The following SORBS2 variants were observed in gnomAD, a reference collection of about 807,000 sequenced individuals.
SORBS2 encodes sorbin and SH3 domain containing 2.
SORBS2 carries 46 observed loss-of-function variants against 97.7 expected under a neutral mutation model. That is an observed-to-expected ratio of 0.47 (90% CI 0.37 to 0.60). The LOEUF (loss-of-function observed/expected upper bound fraction) is 0.60, where lower values mean the gene tolerates loss of function less well. Ranked by LOEUF, SORBS2 falls within the 20% of genes least tolerant of loss-of-function variation. SORBS2 has a pLI of 0.00. For missense variants in SORBS2, 1,316 were observed against 1,282.3 expected (o/e 1.03, Z -0.40); for synonymous variants, 476 against 473.4 (o/e 1.01, Z -0.07).
intron 3 of SORBS2, among the ~76,000 whole-genome samples, chr4:185,649,175 A>G (rs1412949827): frequency 6.6e-6 from 1 of 152,224 alleles, no homozygotes; most frequent in Non-Finnish European, 1.5e-5. Flanking sequence ...AAGGAAGTAC[A>G]TGTCCATTAT....
At chr4:185,740,006 G>A (rs1358805575) in intron 2 of SORBS2, 2 of 152,594 alleles carry the variant, frequency 1.3e-5, no homozygotes, top group Admixed American at 1.3e-4. Flanking sequence ...CTTACGTTTT[G>A]TGGAGCCGGG....
At chr4:185,610,311 G>A (rs569533577) in intron 12 of SORBS2, among the ~76,000 whole-genome samples, 23 of 152,114 alleles carry the variant, frequency 1.5e-4, no homozygotes, top group Non-Finnish European at 2.9e-4. Context: ...ACAAATATAT[G>A]CATGAAGATT....
At chr4:185,733,688 TAC>T (rs2098661858) in intron 2 of SORBS2, among the ~76,000 whole-genome samples, 1 of 152,170 alleles carries the variant, frequency 6.6e-6, no homozygotes, top group Admixed American at 6.5e-5. Flanking sequence ...GGGGATCAGT[TAC>T]AGTTTCTTCG....
At chr4:185,887,611 T>G (rs2099240325) in intron 1 of SORBS2, among the ~76,000 whole-genome samples, 1 of 152,220 alleles carries the variant, frequency 6.6e-6, no homozygotes, top group South Asian at 2.1e-4. Context: ...TTTATGATAT[T>G]TCAGCAAAAT....
Position 185,922,870 on chromosome 4 carries a change from C to T in SORBS2, c.-338+33326G>A, listed in dbSNP as rs116293498. ...GAGGAAGACCTAGGAAATATAGTAA[C>T]CCAGTTTAGTTTCCTTGCTAGTAAA... On this transcript the variant is annotated intron_variant, in intron 1 of 20. Transcript: ENST00000284776. Among the ~76,000 whole-genome samples the T allele has an allele frequency of 4.2e-3, 645 of 152,204 alleles. 3 individuals carry two copies. Among genetic ancestry groups the T allele is most frequent in the African/African-American group, 0.015 (615 of 41,520 alleles).
At chr4:185,726,260 TCA>T (rs1445433795) in intron 2 of SORBS2, among the ~76,000 whole-genome samples, 1 of 152,202 alleles carries the variant, frequency 6.6e-6, no homozygotes, top group Non-Finnish European at 1.5e-5. Flanking sequence ...TAAATCCCTC[TCA>T]CTCATTTAAA....
At chr4:185,611,827 G>A in exon 12 of SORBS2, 2 of 1,614,054 alleles carry the variant, frequency 1.2e-6, no homozygotes, top group Non-Finnish European at 1.7e-6. Context: ...TAGCTGTGGG[G>A]TATTGGAGGG....
intron 1 of SORBS2, among the ~76,000 whole-genome samples, chr4:185,872,520 AATG>A (rs1201231431): frequency 6.6e-6 from 1 of 152,212 alleles, no homozygotes; most frequent in African/African-American, 2.4e-5. Context: ...GACAACGAAG[AATG>A]ATGATATTTA....
At chr4:185,619,352 C>G (rs192272862) in intron 8 of SORBS2, among the ~76,000 whole-genome samples, 8 of 152,288 alleles carry the variant, frequency 5.3e-5, no homozygotes, top group Non-Finnish European at 1.2e-4. Flanking sequence ...TTCTTTTCCC[C>G]CATGACTCTG....
intron 4 of SORBS2, among the ~76,000 whole-genome samples, chr4:185,632,870 T>C (rs1270361622): frequency 6.6e-6 from 1 of 152,240 alleles, no homozygotes; most frequent in African/African-American, 2.4e-5. Flanking sequence ...CGGTTTCATG[T>C]ACACTCAGAG....
intron 1 of SORBS2, among the ~76,000 whole-genome samples, chr4:185,938,154 T>C (rs2099269944): frequency 6.6e-6 from 1 of 151,532 alleles, no homozygotes. Context: ...CCTGCCACCA[T>C]GTCCAGCTAA....
upstream of SORBS2, among the ~76,000 whole-genome samples, chr4:185,659,567 C>T (rs1348757509): frequency 6.8e-6 from 1 of 147,286 alleles, no homozygotes; most frequent in Non-Finnish European, 1.5e-5. Flanking sequence ...CAGGTGCCCG[C>T]CATCACGCCC....
chr4:185,697,897 A>G (rs1172666277), intron 2 of SORBS2, among the ~76,000 whole-genome samples: 1 of 152,184 alleles, frequency 6.6e-6, no homozygotes, highest in Non-Finnish European at 1.5e-5. Flanking sequence ...TTTAATTTTA[A>G]AATCTTCCGT....
chr4:185,614,666 C>A, intron 11 of SORBS2, 165 bp downstream of exon 23: 2 of 779,962 alleles, frequency 2.6e-6, no homozygotes, highest in Non-Finnish European at 3.9e-6. Context: ...AGCAGGGAAC[C>A]GTGACTCTGG....
chr4:185,651,399 T>C (rs555357499), intron 2 of SORBS2, among the ~76,000 whole-genome samples: 1 of 152,360 alleles, frequency 6.6e-6, no homozygotes, highest in African/African-American at 2.4e-5. Flanking sequence ...AATACTTTGT[T>C]TGACTTGTTT....
Position 185,626,899 on chromosome 4 carries a change from TG to T in SORBS2, c.566del (p.Pro189GlnfsTer48). 1 of 1,614,252 alleles carries T rather than the reference TG, an allele frequency of 6.2e-7. No individual in the cohort carries two copies. Among genetic ancestry groups the T allele is most frequent in the Non-Finnish European group, 8.5e-7 (1 of 1,180,032 alleles). ...ACTTTGTAAGAGTGGTGCTTGATCC[TG>T]GGAGGTCCACTCGGCCTGGGCTAGT... On this transcript the variant is annotated frameshift_variant, in exon 6 of 15. Coordinates refer to ENST00000418609, the Ensembl canonical transcript of SORBS2. LOFTEE classifies it high-confidence loss of function.
At chr4:185,595,766 CTT>C (rs33913195) in intron 12 of SORBS2, among the ~76,000 whole-genome samples, 7,616 of 142,338 alleles carry the variant, frequency 0.054, 425 homozygotes, top group East Asian at 0.13. Context: ...TTGGTCTAGT[CTT>C]TTTTTTTTTG....
chr4:185,811,554 T>G (rs1366230276), intron 1 of SORBS2, 110 bp downstream of exon 1: 2 of 152,250 alleles, frequency 1.3e-5, no homozygotes, highest in African/African-American at 4.8e-5. Context: ...TATGTGTCTG[T>G]GTATGTTTGT....
chr4:185,797,169 GCC>G, intron 1 of SORBS2, among the ~76,000 whole-genome samples: 1 of 152,276 alleles, frequency 6.6e-6, no homozygotes, highest in African/African-American at 2.4e-5. Context: ...AGCTGTCTGT[GCC>G]GAAGACTGTT....
Sources: allele counts gnomAD v4.1 joint callset (sites outside exome capture counted in the v4.1 genomes callset), GRCh38; gene constraint gnomAD v4.1.1; transcripts MANE v1.5; gene names NCBI Gene and HGNC (gene_info 2026-07-23, HGNC 2026-07-21).